The following PTPRD variants were observed in gnomAD, a reference collection of about 807,000 sequenced individuals.
The protein encoded by PTPRD is protein tyrosine phosphatase receptor type D, also known as receptor-type tyrosine-protein phosphatase delta.
PTPRD carries 34 observed loss-of-function variants against 214.5 expected under a neutral mutation model. The observed-to-expected ratio is 0.16, with a 90% CI of 0.12 to 0.21. The LOEUF (loss-of-function observed/expected upper bound fraction) is 0.21, where lower values mean the gene tolerates loss of function less well. Ranked by LOEUF, PTPRD falls within the 10% of genes least tolerant of loss-of-function variation. The pLI is 1.00. For synonymous variants in PTPRD, 1,128 were observed against 845.7 expected, an observed-to-expected ratio of 1.33 and a Z score of -5.79; for missense variants, 2,545 against 2,398.7, an observed-to-expected ratio of 1.06 and a Z score of -1.27.
intron 12 of PTPRD, among the ~76,000 whole-genome samples, chr9:8,669,811 G>A (rs975563284): frequency 6.6e-6 from 1 of 152,172 alleles, no homozygotes; most frequent in Non-Finnish European, 1.5e-5. Flanking sequence ...TAACGTGGAG[G>A]TTATGAATAA....
chr9:9,853,241 C>G (rs935059452), intron 5 of PTPRD, among the ~76,000 whole-genome samples: 1 of 152,156 alleles, frequency 6.6e-6, no homozygotes, highest in South Asian at 2.1e-4. Flanking sequence ...AGCATAGGAG[C>G]TATAGACAAC....
intron 4 of PTPRD, among the ~76,000 whole-genome samples, chr9:9,943,700 G>T (rs963124172): frequency 6.6e-6 from 1 of 152,140 alleles, no homozygotes; most frequent in African/African-American, 2.4e-5. Flanking sequence ...TTTGAAGGAG[G>T]TACAGAAGCT....
chr9:8,485,403 G>T (rs535571640), intron 28 of PTPRD, 79 bp from the exon 29 acceptor site: 1 of 941,696 alleles, frequency 1.1e-6, no homozygotes, highest in Non-Finnish European at 1.7e-6. Flanking sequence ...GACCATAGGG[G>T]CTTATGCTAG....
intron 35 of PTPRD, among the ~76,000 whole-genome samples, chr9:8,409,407 C>G (rs1439611060): frequency 5.3e-5 from 8 of 152,204 alleles, no homozygotes; most frequent in South Asian, 2.1e-4. Flanking sequence ...TTCACACTTG[C>G]CTTTCAACTA....
intron 12 of PTPRD, among the ~76,000 whole-genome samples, chr9:8,717,686 T>TG (rs1283942508): frequency 6.6e-6 from 1 of 152,204 alleles, no homozygotes; most frequent in Non-Finnish European, 1.5e-5. Context: ...CACCTTCACA[T>TG]GTTTTTATTA....
rs192375549 is a variant in PTPRD, at chr9:8,915,109, A to T, written c.-104+103588T>A. The stretch of plus-strand genomic sequence containing the variant: ...ATGAAAGCAGTTTGAAGACATATAT[A>T]CACAAAACTATCCAGAGTCTCATAT... On this transcript the variant is annotated intron_variant, in intron 11 of 45. Coordinates refer to ENST00000381196, the MANE Select transcript of PTPRD (RefSeq NM_002839.4). 4.0e-3 allele frequency among the ~76,000 whole-genome samples: 611 copies of T among 152,312 alleles called. 1 individual carries two copies. Among genetic ancestry groups the T allele is most frequent in the African/African-American group, 0.013 (552 of 41,566 alleles).
chr9:10,099,359 G>C (rs1246207314), intron 3 of PTPRD, among the ~76,000 whole-genome samples: 1 of 151,620 alleles, frequency 6.6e-6, no homozygotes, highest in Non-Finnish European at 1.5e-5. Flanking sequence ...AGAATCACAT[G>C]AGTTAATATA....
At chr9:9,439,188 C>T (rs7866222) in intron 8 of PTPRD, among the ~76,000 whole-genome samples, 91,915 of 151,562 alleles carry the variant, frequency 0.61, 27,917 homozygotes, top group Middle Eastern at 0.67. Flanking sequence ...TCTGTTAATA[C>T]ATTAGATTTT....
At chr9:9,579,465 G>A (rs1592092877) in intron 7 of PTPRD, among the ~76,000 whole-genome samples, 2 of 152,182 alleles carry the variant, frequency 1.3e-5, no homozygotes, top group South Asian at 2.1e-4. Context: ...TACACATACA[G>A]GATGTGTAGG....
At chr9:9,898,499 G>C (rs1261852183) in intron 5 of PTPRD, among the ~76,000 whole-genome samples, 1 of 151,944 alleles carries the variant, frequency 6.6e-6, no homozygotes, top group Non-Finnish European at 1.5e-5. Flanking sequence ...ACCGCATCAA[G>C]GATTACTTCA....
At chr9:9,407,209 T>C (rs984509824) in intron 8 of PTPRD, among the ~76,000 whole-genome samples, 1 of 151,824 alleles carries the variant, frequency 6.6e-6, no homozygotes, top group African/African-American at 2.4e-5. Context: ...TTTTGGTGTC[T>C]GGCTTTTTTG....
chr9:8,479,479 C>G (rs1249725004), intron 30 of PTPRD, among the ~76,000 whole-genome samples: 2 of 152,138 alleles, frequency 1.3e-5, no homozygotes, highest in Non-Finnish European at 2.9e-5. Flanking sequence ...AAGTTTTATA[C>G]CTTTTCCCTG....
chr9:10,029,214 G>C (rs1288346514), intron 4 of PTPRD, among the ~76,000 whole-genome samples: 2 of 152,204 alleles, frequency 1.3e-5, no homozygotes, highest in African/African-American at 4.8e-5. Context: ...AAAGAAGTTT[G>C]CTGCAGGGGT....
At position 8,846,979 on chromosome 9, in the gene PTPRD, G is replaced by C. The variant is rs188354299; in HGVS notation, c.-103-113033C>G. 5.8e-4 allele frequency among the ~76,000 whole-genome samples: 88 copies of C among 152,216 alleles called. 1 individual carries two copies. Among genetic ancestry groups the C allele is most frequent in the African/African-American group, 2.0e-3 (83 of 41,532 alleles). Reference sequence around the variant, plus strand: ...CGGTGAGGTCAAAACCAAACACAAGGAGACTGCACCCCAAGCATGAGAAGA... The same window carrying C: ...CGGTGAGGTCAAAACCAAACACAAGCAGACTGCACCCCAAGCATGAGAAGA... On this transcript the variant is annotated intron_variant, in intron 11 of 45. Transcript: ENST00000381196.
intron 2 of PTPRD, among the ~76,000 whole-genome samples, chr9:10,341,549 T>C (rs1386880100): frequency 6.6e-6 from 1 of 152,000 alleles, no homozygotes; most frequent in African/African-American, 2.4e-5. Flanking sequence ...ACACTTTCAA[T>C]ATTGTTAAGC....
intron 7 of PTPRD, among the ~76,000 whole-genome samples, chr9:9,676,050 T>G (rs1212305933): frequency 6.6e-6 from 1 of 152,140 alleles, no homozygotes; most frequent in Non-Finnish European, 1.5e-5. Flanking sequence ...ACAGATTAAG[T>G]AATAAAATGT....
intron 13 of PTPRD, 50 bp downstream of exon 13, chr9:8,636,649 C>T: frequency 1.3e-6 from 2 of 1,599,002 alleles, no homozygotes; most frequent in Non-Finnish European, 1.7e-6. Flanking sequence ...AAACCAAAGA[C>T]AGAGCAGATA....
At chr9:8,486,564 G>T in intron 27 of PTPRD, 2 of 685,998 alleles carry the variant, frequency 2.9e-6, no homozygotes, top group South Asian at 3.0e-5. Flanking sequence ...TTTGATAATG[G>T]ACACAAAACA....
At chr9:9,096,118 C>A (rs1179783253) in intron 10 of PTPRD, among the ~76,000 whole-genome samples, 1 of 152,082 alleles carries the variant, frequency 6.6e-6, no homozygotes, top group Non-Finnish European at 1.5e-5. Context: ...TACAAAGTAG[C>A]AGATATGTAG....
Sources: allele counts gnomAD v4.1 joint callset (sites outside exome capture counted in the v4.1 genomes callset), GRCh38; gene constraint gnomAD v4.1.1; transcripts MANE v1.5; gene names NCBI Gene and HGNC (gene_info 2026-07-23, HGNC 2026-07-21).